CDYL2: variants seen among roughly 807,000 people sequenced by gnomAD.
CDYL2 encodes the protein chromodomain Y like 2.
CDYL2 carries 23 observed loss-of-function variants against 49.4 expected under a neutral mutation model. The ratio of observed to expected loss-of-function variants is 0.47; its 90% confidence interval spans 0.34 to 0.66. The LOEUF is 0.66. Ranked by LOEUF, CDYL2 falls within the 30% of genes least tolerant of loss-of-function variation. CDYL2 has a pLI of 0.01. For synonymous variants in CDYL2, 360 were observed against 268.8 expected (o/e 1.34, Z -3.32); for missense variants, 678 against 656.4 (o/e 1.03, Z -0.36).
chr16:80,671,356 C>G (rs961451143), intron 2 of CDYL2, among the ~76,000 whole-genome samples: 1 of 152,164 alleles, frequency 6.6e-6, no homozygotes, highest in South Asian at 2.1e-4. Flanking sequence ...AATTTAGGAC[C>G]AGTCCTTCCA....
chr16:80,749,712 C>A (rs1350258577), intron 1 of CDYL2, among the ~76,000 whole-genome samples: 3 of 151,758 alleles, frequency 2.0e-5, no homozygotes, highest in Non-Finnish European at 4.4e-5. Flanking sequence ...GGAAAAATAG[C>A]CTTATATGAA....
chr16:80,636,177 G>C (rs1373766248), intron 2 of CDYL2, among the ~76,000 whole-genome samples: 1 of 152,134 alleles, frequency 6.6e-6, no homozygotes, highest in Admixed American at 6.5e-5. Flanking sequence ...AACACCAAAA[G>C]CAATGGTAAG....
At chr16:80,776,117 T>G (rs1907074595) in intron 1 of CDYL2, among the ~76,000 whole-genome samples, 1 of 152,074 alleles carries the variant, frequency 6.6e-6, no homozygotes, top group Non-Finnish European at 1.5e-5. Context: ...AATTCTTCAG[T>G]AAAAGAGCAA....
chr16:80,691,961 G>A (rs1000527039), intron 1 of CDYL2, among the ~76,000 whole-genome samples: 7 of 152,050 alleles, frequency 4.6e-5, no homozygotes, highest in African/African-American at 7.2e-5. Flanking sequence ...TCACACCAGC[G>A]ACATAGACAA....
intron 1 of CDYL2, among the ~76,000 whole-genome samples, chr16:80,707,028 C>A (rs562257788): frequency 6.6e-6 from 1 of 152,294 alleles, no homozygotes; most frequent in Admixed American, 6.5e-5. Context: ...CAGAGGATGT[C>A]GCCTCAGAGC....
At chr16:80,804,753 G>T (rs915336926), upstream of CDYL2, among the ~76,000 whole-genome samples, 1 of 150,028 alleles carries the variant, frequency 6.7e-6, no homozygotes, top group Non-Finnish European at 1.5e-5. Flanking sequence ...AGCTGGCGGG[G>T]CCCCCGGGGG....
chr16:80,673,236 T>C (rs938794747), intron 2 of CDYL2, among the ~76,000 whole-genome samples: 4 of 151,970 alleles, frequency 2.6e-5, no homozygotes, highest in Non-Finnish European at 5.9e-5. Context: ...AGGAGAATCG[T>C]TTGGACCCGG....
At chr16:80,680,472 A>T (rs1292958264) in intron 2 of CDYL2, among the ~76,000 whole-genome samples, 1 of 152,164 alleles carries the variant, frequency 6.6e-6, no homozygotes, top group East Asian at 1.9e-4. Context: ...CACAGAGTAA[A>T]GGCTCGTGTG....
At chr16:80,684,045 C>T (rs2142474069) in intron 2 of CDYL2, among the ~76,000 whole-genome samples, 1 of 152,330 alleles carries the variant, frequency 6.6e-6, no homozygotes, top group South Asian at 2.1e-4. Flanking sequence ...GCGTGGTGAA[C>T]TCCAAGTCCA....
At chr16:80,662,685 C>T (rs1326391032) in intron 2 of CDYL2, 6 of 453,556 alleles carry the variant, frequency 1.3e-5, no homozygotes, top group Non-Finnish European at 2.7e-5. Context: ...AGGTGGAATC[C>T]ACATATGGCT....
intron 1 of CDYL2, among the ~76,000 whole-genome samples, chr16:80,707,889 C>A (rs922772948): frequency 2.6e-5 from 4 of 152,148 alleles, no homozygotes; most frequent in Admixed American, 2.6e-4. Context: ...CAGTAAGAGA[C>A]CATTGATGCC....
At chr16:80,627,209 T>C (rs1292110818) in intron 3 of CDYL2, among the ~76,000 whole-genome samples, 3 of 152,212 alleles carry the variant, frequency 2.0e-5, no homozygotes, top group South Asian at 4.2e-4. Flanking sequence ...CAGGCCACTA[T>C]CTTGTGGGTC....
chr16:80,756,783 G>A (rs1906324794), intron 1 of CDYL2, among the ~76,000 whole-genome samples: 1 of 151,644 alleles, frequency 6.6e-6, no homozygotes, highest in South Asian at 2.1e-4. Flanking sequence ...TAGTATAACA[G>A]CAGAAAATAT....
At chr16:80,606,771 C>T (rs2048248545) in intron 6 of CDYL2, among the ~76,000 whole-genome samples, 2 of 152,190 alleles carry the variant, frequency 1.3e-5, no homozygotes, top group Non-Finnish European at 2.9e-5. Flanking sequence ...CAGTTTCCCC[C>T]ACACTGTTCT....
At chr16:80,786,572 C>A (rs185090950) in intron 1 of CDYL2, among the ~76,000 whole-genome samples, 1 of 152,194 alleles carries the variant, frequency 6.6e-6, no homozygotes, top group African/African-American at 2.4e-5. Context: ...CTCAAGGATC[C>A]AGAACTAGAA....
intron 1 of CDYL2, among the ~76,000 whole-genome samples, chr16:80,761,436 G>C (rs1483197708): frequency 5.3e-5 from 8 of 152,208 alleles, no homozygotes; most frequent in Admixed American, 5.2e-4. Context: ...TAGAGAGCTT[G>C]ACGTCTAGTA....
At position 80,604,313 on chromosome 16, in the gene CDYL2, C is replaced by T. The variant is rs543174933; in HGVS notation, c.*75G>A. ...GAGACACCTTGACAAACTCCTTGGC[C>T]GGGGCAGACACTGTGCTCTGGTTTC... On this transcript the variant is annotated 3_prime_UTR_variant, in exon 7 of 7. Coordinates refer to ENST00000570137, the MANE Select transcript of CDYL2 (RefSeq NM_152342.4). The T allele has an allele frequency of 2.5e-5, 39 of 1,532,554 alleles. No individual in the cohort carries two copies. Among genetic ancestry groups the T allele is most frequent in the South Asian group, 1.7e-4 (15 of 88,266 alleles). 94.9% of individuals were successfully genotyped at this position (1,532,554 alleles called of 1,614,324 possible).
intron 1 of CDYL2, among the ~76,000 whole-genome samples, chr16:80,789,112 A>G (rs1182047082): frequency 1.4e-5 from 2 of 146,994 alleles, no homozygotes; most frequent in Admixed American, 1.3e-4. Flanking sequence ...TTAAAAAGTC[A>G]AAAAAAAACA....
intron 1 of CDYL2, among the ~76,000 whole-genome samples, chr16:80,782,510 C>T (rs1377540937): frequency 1.7e-5 from 2 of 120,978 alleles, no homozygotes; most frequent in East Asian, 5.0e-4. Context: ...AAACTGATCC[C>T]AAAGCCAAAG....
Sources: gnomAD v4.1 joint callset for allele counts (sites outside exome capture counted in the v4.1 genomes callset) on GRCh38, gnomAD v4.1.1 for gene constraint, MANE v1.5 for transcripts, NCBI Gene and HGNC (gene_info 2026-07-23, HGNC 2026-07-21) for gene names.